MSRA: variants seen among roughly 807,000 people sequenced by gnomAD.
The protein encoded by MSRA is methionine sulfoxide reductase A.
Under a neutral mutation model 31.3 loss-of-function variants are expected in MSRA, and 54 were observed. The ratio of observed to expected loss-of-function variants is 1.73; its 90% CI spans 1.39 to 2.17. The LOEUF (loss-of-function observed/expected upper bound fraction) is 2.17, where lower values mean the gene tolerates loss of function less well. MSRA is among the 30% of genes most tolerant of loss of function. The pLI, the probability that MSRA is intolerant of heterozygous loss-of-function variation, is 0.00. For missense variants in MSRA, 507 were observed against 300.9 expected, an observed-to-expected ratio of 1.69 and a Z score of -5.07; for synonymous variants, 169 against 116.5, an observed-to-expected ratio of 1.45 and a Z score of -2.90.
intron 1 of MSRA, 110 bp downstream of exon 1, chr8:10,054,768 G>GT (rs1802221445): frequency 1.6e-6 from 2 of 1,232,476 alleles, no homozygotes; most frequent in South Asian, 5.3e-5. Context: ...GGCCTCGGGC[G>GT]GGTCGCGGGG....
chr8:10,082,604 G>T (rs1216976131), intron 1 of MSRA, among the ~76,000 whole-genome samples: 1 of 152,142 alleles, frequency 6.6e-6, no homozygotes, highest in African/African-American at 2.4e-5. Flanking sequence ...GCAAAGATGG[G>T]ACTTTTTGAA....
intron 5 of MSRA, among the ~76,000 whole-genome samples, chr8:10,330,509 C>A (rs764524526): frequency 2.0e-4 from 30 of 152,242 alleles, no homozygotes; most frequent in Non-Finnish European, 5.9e-5. Context: ...AAATTAATTA[C>A]CTTATCAAAT....
At chr8:10,240,349 C>T (rs1015460363) in intron 2 of MSRA, among the ~76,000 whole-genome samples, 3 of 152,106 alleles carry the variant, frequency 2.0e-5, no homozygotes, top group African/African-American at 7.2e-5. Context: ...GCTGTTGGGC[C>T]ATGTGTAACC....
chr8:10,221,698 A>T (rs1456117990), intron 2 of MSRA, among the ~76,000 whole-genome samples: 2 of 152,214 alleles, frequency 1.3e-5, no homozygotes, highest in Admixed American at 1.3e-4. Context: ...GGCATGTCAG[A>T]TTATGATAAG....
At chr8:10,415,144 A>C (rs1426311626) in intron 5 of MSRA, among the ~76,000 whole-genome samples, 2 of 152,180 alleles carry the variant, frequency 1.3e-5, no homozygotes, top group East Asian at 3.9e-4. Flanking sequence ...TAGGACCCTG[A>C]GTTTCATGCT....
At chr8:10,156,180 C>T (rs1471140361) in intron 1 of MSRA, among the ~76,000 whole-genome samples, 1 of 152,266 alleles carries the variant, frequency 6.6e-6, no homozygotes, top group South Asian at 2.1e-4. Context: ...CAGCCAATTG[C>T]AGTGAATGAA....
chr8:10,279,068 A>C (rs758790667), intron 3 of MSRA, among the ~76,000 whole-genome samples: 3 of 152,178 alleles, frequency 2.0e-5, no homozygotes, highest in Non-Finnish European at 4.4e-5. Context: ...GGCATCATGC[A>C]GTTGTTTTCT....
At chr8:10,101,976 T>A (rs1441577316) in intron 1 of MSRA, among the ~76,000 whole-genome samples, 1 of 152,200 alleles carries the variant, frequency 6.6e-6, no homozygotes, top group Non-Finnish European at 1.5e-5. Flanking sequence ...CTTTTGCCTT[T>A]GTGTTTTCTG....
intron 1 of MSRA, among the ~76,000 whole-genome samples, chr8:10,136,644 A>G (rs933569502): frequency 2.6e-5 from 4 of 152,238 alleles, no homozygotes; most frequent in African/African-American, 9.6e-5. Context: ...CTTTACGTCA[A>G]GGGATACTGG....
intron 2 of MSRA, among the ~76,000 whole-genome samples, chr8:10,240,125 C>T (rs1193972187): frequency 6.6e-6 from 1 of 152,204 alleles, no homozygotes; most frequent in Non-Finnish European, 1.5e-5. Context: ...GAAAGTCAAA[C>T]ACGTGCCAAG....
intron 2 of MSRA, among the ~76,000 whole-genome samples, chr8:10,225,538 T>A (rs1188159952): frequency 6.6e-6 from 1 of 152,226 alleles, no homozygotes; most frequent in African/African-American, 2.4e-5. Context: ...TAAATTTAAT[T>A]TGCCCAGAGT....
chr8:10,207,537 G>T (rs2129059890), intron 1 of MSRA, among the ~76,000 whole-genome samples: 1 of 152,288 alleles, frequency 6.6e-6, no homozygotes, highest in Non-Finnish European at 1.5e-5. Flanking sequence ...AGGGACTCTG[G>T]CTGGGTGTCG....
intron 5 of MSRA, among the ~76,000 whole-genome samples, chr8:10,329,291 G>C (rs1007071748): frequency 3.9e-5 from 6 of 152,198 alleles, no homozygotes; most frequent in Non-Finnish European, 8.8e-5. Flanking sequence ...GCTGGGCTCT[G>C]CTCCCCCAGG....
chr8:10,077,045 T>TAAAAAA (rs543152237), intron 1 of MSRA, among the ~76,000 whole-genome samples: 5 of 139,106 alleles, frequency 3.6e-5, no homozygotes, highest in Admixed American at 7.2e-5. Context: ...CCTCAGAACT[T>TAAAAAA]AAAAAAAAAA....
At chr8:10,374,680 A>C (rs1805661105) in intron 5 of MSRA, among the ~76,000 whole-genome samples, 1 of 152,070 alleles carries the variant, frequency 6.6e-6, no homozygotes, top group African/African-American at 2.4e-5. Context: ...TTTCCCCCTC[A>C]ATTTTGCCTT....
chr8:10,272,808 A>C (rs1799118022), intron 3 of MSRA, among the ~76,000 whole-genome samples: 1 of 152,212 alleles, frequency 6.6e-6, no homozygotes, highest in Non-Finnish European at 1.5e-5. Flanking sequence ...TTCATCTTTC[A>C]ATCACTAGAC....
At chr8:10,234,698 C>A (rs1284972740) in intron 2 of MSRA, among the ~76,000 whole-genome samples, 1 of 151,794 alleles carries the variant, frequency 6.6e-6, no homozygotes, top group Non-Finnish European at 1.5e-5. Flanking sequence ...ACAAGAAATG[C>A]ACCTAAAATA....
intron 2 of MSRA, among the ~76,000 whole-genome samples, chr8:10,223,749 A>G (rs796210994): frequency 1.3e-4 from 20 of 152,314 alleles, no homozygotes; most frequent in African/African-American, 4.3e-4. Flanking sequence ...GTTAAGATGA[A>G]TGCCAAATCT....
chr8:10,156,270 G>C (rs1804145928), intron 1 of MSRA, among the ~76,000 whole-genome samples: 1 of 152,204 alleles, frequency 6.6e-6, no homozygotes, highest in African/African-American at 2.4e-5. Context: ...TGTGAGTGTG[G>C]ACTGTATGTT....
Sources: gnomAD v4.1 joint callset for allele counts (sites outside exome capture counted in the v4.1 genomes callset) on GRCh38, gnomAD v4.1.1 for gene constraint, MANE v1.5 for transcripts, NCBI Gene and HGNC (gene_info 2026-07-23, HGNC 2026-07-21) for gene names.